Variants in TMTC1 observed in about 807,000 individuals in gnomAD.
The protein encoded by TMTC1 is transmembrane O-mannosyltransferase targeting cadherins 1, also known as protein O-mannosyl-transferase TMTC1.
In TMTC1, 73 loss-of-function variants were observed where a neutral mutation model predicts 104.8. That is an observed-to-expected ratio of 0.70 (90% confidence interval 0.58 to 0.85). The LOEUF (loss-of-function observed/expected upper bound fraction) is 0.85. Among genes scored for constraint, TMTC1 ranks in the 40% least tolerant of loss-of-function variants. The pLI is 0.00. For synonymous variants in TMTC1, 434 were observed against 428.7 expected (o/e 1.01, Z -0.15); for missense variants, 1,035 against 1,096.1 (o/e 0.94, Z 0.79).
chr12:29,723,092 A>C (rs1249186317), intron 5 of TMTC1, among the ~76,000 whole-genome samples: 1 of 152,080 alleles, frequency 6.6e-6, no homozygotes, highest in East Asian at 1.9e-4. Flanking sequence ...GTTTCAAAAA[A>C]TAAGGAGTCT....
Position 29,520,726 on chromosome 12 carries a change from AAAAG to A in TMTC1, c.1786-10_1786-7del. 4 of 1,603,604 alleles carry A rather than the reference AAAAG, an allele frequency of 2.5e-6. No individual in the cohort carries two copies. Among genetic ancestry groups the A allele is most frequent in the Non-Finnish European group, 3.4e-6 (4 of 1,175,916 alleles). On this transcript the variant is annotated splice_polypyrimidine_tract_variant and splice_region_variant and intron_variant, in intron 11 of 17. Coordinates refer to ENST00000539277, the MANE Select transcript of TMTC1 (RefSeq NM_001193451.2). Reference sequence around the variant, plus strand: ...TCAGCTTCTTTAAACCGCTCCTTTAAAAAGAAAGAAACAAACAAAATAAGTGAGA... The same window carrying A: ...TCAGCTTCTTTAAACCGCTCCTTTAAAAAGAAACAAACAAAATAAGTGAGA...
chr12:29,516,770 G>C (rs1592154701), intron 14 of TMTC1, among the ~76,000 whole-genome samples: 1 of 152,186 alleles, frequency 6.6e-6, no homozygotes, highest in Non-Finnish European at 1.5e-5. Flanking sequence ...TAAGTCAGAA[G>C]AGAAAGAATT....
At chr12:29,637,100 A>G (rs1938598684) in intron 5 of TMTC1, among the ~76,000 whole-genome samples, 1 of 150,342 alleles carries the variant, frequency 6.7e-6, no homozygotes, top group African/African-American at 2.5e-5. Context: ...ACACACACAC[A>G]CACACACACA....
chr12:29,506,690 C>A lies in TMTC1; in HGVS notation c.*156G>T. 1.1e-6 allele frequency: 1 copy of A among 890,088 alleles called. No individual in the cohort carries two copies. The highest frequency in any genetic ancestry group is 1.7e-6 in the Non-Finnish European group (1 of 573,838). The allele number at this position is 890,088 out of a possible 1,614,324, so 55.1% of individuals were successfully genotyped here. A position where few individuals can be genotyped will look rare whatever the true frequency, so the allele number is the denominator to read the frequency against. On this transcript the variant is annotated 3_prime_UTR_variant, in exon 18 of 18. Transcript: ENST00000539277. ...TCATGGAAAAGCAAGTCCTTCAGCA[C>A]TGGGCTACCAGCAGATGTCCCAAAA...
At chr12:29,631,653 C>T (rs1332411942) in intron 6 of TMTC1, among the ~76,000 whole-genome samples, 2 of 152,082 alleles carry the variant, frequency 1.3e-5, no homozygotes, top group South Asian at 2.1e-4. Flanking sequence ...ATCTAGTAAT[C>T]GTTGGTTAAA....
intron 16 of TMTC1, among the ~76,000 whole-genome samples, chr12:29,513,869 G>A (rs1392991662): frequency 6.6e-6 from 1 of 152,066 alleles, no homozygotes; most frequent in African/African-American, 2.4e-5. Flanking sequence ...GGATTTGTGC[G>A]TGCCTGCACA....
At chr12:29,580,276 G>C (rs372713282) in intron 8 of TMTC1, among the ~76,000 whole-genome samples, 3 of 152,016 alleles carry the variant, frequency 2.0e-5, no homozygotes, top group Non-Finnish European at 4.4e-5. Flanking sequence ...CCATGATCAC[G>C]CCACTACACC....
At chr12:29,647,009 C>A (rs1939295591) in intron 5 of TMTC1, among the ~76,000 whole-genome samples, 1 of 152,132 alleles carries the variant, frequency 6.6e-6, no homozygotes, top group African/African-American at 2.4e-5. Flanking sequence ...AGAACAGCTT[C>A]AGCTTCGTTT....
intron 5 of TMTC1, among the ~76,000 whole-genome samples, chr12:29,736,828 G>A (rs1942689124): frequency 6.6e-6 from 1 of 152,190 alleles, no homozygotes; most frequent in Non-Finnish European, 1.5e-5. Flanking sequence ...CTTGCACAGA[G>A]ATGCATTAAC....
chr12:29,693,215 T>C (rs779094044), intron 5 of TMTC1, among the ~76,000 whole-genome samples: 2 of 144,386 alleles, frequency 1.4e-5, no homozygotes, highest in African/African-American at 2.5e-5. Flanking sequence ...GTTTTGAAAA[T>C]GTTCAAAGTT....
At chr12:29,697,365 A>C (rs1941454789) in intron 5 of TMTC1, among the ~76,000 whole-genome samples, 2 of 152,142 alleles carry the variant, frequency 1.3e-5, no homozygotes, top group African/African-American at 4.8e-5. Context: ...TACTATGATA[A>C]CCTCTCACAA....
intron 10 of TMTC1, among the ~76,000 whole-genome samples, chr12:29,538,538 A>AC (rs1944707420): frequency 6.6e-6 from 1 of 151,674 alleles, no homozygotes. Context: ...AGGAGAGAAA[A>AC]AAAAACCCAT....
At chr12:29,558,053 A>G (rs988607131) in intron 9 of TMTC1, among the ~76,000 whole-genome samples, 14 of 152,236 alleles carry the variant, frequency 9.2e-5, no homozygotes, top group African/African-American at 2.9e-4. Flanking sequence ...GGACATCAGT[A>G]TATCAAATTT....
intron 5 of TMTC1, among the ~76,000 whole-genome samples, chr12:29,681,319 G>C (rs1246371882): frequency 1.3e-5 from 2 of 152,072 alleles, no homozygotes; most frequent in African/African-American, 4.8e-5. Flanking sequence ...GTAATCAAAT[G>C]TCTCATGAAG....
In TMTC1 at chr12:29,636,791, T is replaced by A. The variant is rs190572818; in HGVS notation, c.939-3455A>T. On this transcript the variant is annotated intron_variant, in intron 5 of 17. Transcript: ENST00000539277. ...TGGGCATGGTACCTCATGCCTGTAA[T>A]CTGAGCACCTTGGGAGGCCTAGCTG... 9.9e-5 allele frequency among the ~76,000 whole-genome samples: 15 copies of A among 151,628 alleles called. No individual in the cohort carries two copies. In the East Asian group the frequency reaches 2.9e-3, roughly 30 times the overall value.
chr12:29,551,417 C>T (rs1945099837), intron 10 of TMTC1, among the ~76,000 whole-genome samples: 1 of 152,182 alleles, frequency 6.6e-6, no homozygotes, highest in Non-Finnish European at 1.5e-5. Context: ...AAGGATCAGA[C>T]TAAAGTAAAT....
chr12:29,757,884 A>G (rs1943251948), intron 3 of TMTC1, among the ~76,000 whole-genome samples: 2 of 151,836 alleles, frequency 1.3e-5, no homozygotes, highest in Non-Finnish European at 2.9e-5. Flanking sequence ...CTATCATGAG[A>G]GCAGCACAGG....
At chr12:29,607,631 G>A (rs972533498) in intron 6 of TMTC1, among the ~76,000 whole-genome samples, 2 of 152,118 alleles carry the variant, frequency 1.3e-5, no homozygotes, top group Admixed American at 6.6e-5. Context: ...TTCACCTAAT[G>A]GCAGTGACTA....
chr12:29,745,142 A>C (rs1448742630), intron 5 of TMTC1, among the ~76,000 whole-genome samples: 1 of 152,076 alleles, frequency 6.6e-6, no homozygotes, highest in Non-Finnish European at 1.5e-5. Flanking sequence ...TGTCACACCT[A>C]TAGCAAAACA....
Sources: allele counts gnomAD v4.1 joint callset (sites outside exome capture counted in the v4.1 genomes callset), GRCh38; gene constraint gnomAD v4.1.1; transcripts MANE v1.5; gene names NCBI Gene and HGNC (gene_info 2026-07-23, HGNC 2026-07-21).